The following MYO5B variants were observed in gnomAD, a reference collection of about 807,000 sequenced individuals.
The protein encoded by MYO5B is myosin VB.
In MYO5B, 143 loss-of-function variants were observed where a neutral mutation model predicts 229.3. The ratio of observed to expected loss-of-function variants is 0.62; its 90% CI spans 0.54 to 0.72. The LOEUF is 0.72. MYO5B is among the 30% of genes least tolerant of loss of function. The pLI is 0.00. For synonymous variants in MYO5B, 918 were observed against 885.2 expected, an observed-to-expected ratio of 1.04 and a Z score of -0.66; for missense variants, 2,321 against 2,331.0, an observed-to-expected ratio of 1.00 and a Z score of 0.09.
chr18:50,006,613 G>C (rs924699388), intron 4 of MYO5B, among the ~76,000 whole-genome samples: 1 of 152,140 alleles, frequency 6.6e-6, no homozygotes, highest in Non-Finnish European at 1.5e-5. Flanking sequence ...TGTGACACCT[G>C]AGAGGCAGGA....
rs151134799 is a variant in MYO5B, at chr18:50,145,967, T to G, written c.27+48800A>C. On this transcript the variant is annotated intron_variant, in intron 1 of 39. Coordinates refer to ENST00000285039, the MANE Select transcript of MYO5B (RefSeq NM_001080467.3). ...CAAAAACGGATACATTTCGAAGTAT[T>G]TGTTTTAACTTTGTTTTGTAAATTA... Among the ~76,000 whole-genome samples the G allele has an allele frequency of 6.3e-3, 959 of 152,350 alleles. 3 individuals are homozygous for G. Among genetic ancestry groups the G allele is most frequent in the Non-Finnish European group, 0.01 (713 of 68,036 alleles).
intron 5 of MYO5B, among the ~76,000 whole-genome samples, chr18:49,996,735 G>A (rs2025991604): frequency 6.6e-6 from 1 of 152,224 alleles, no homozygotes; most frequent in African/African-American, 2.4e-5. Context: ...TATGGGAAAA[G>A]CTCTAAGAAG....
chr18:49,839,107 CATG>C, intron 36 of MYO5B, 34 bp downstream of exon 36: 2 of 1,611,580 alleles, frequency 1.2e-6, no homozygotes, highest in Non-Finnish European at 1.7e-6. Flanking sequence ...TTTCAGACAC[CATG>C]ATGAGTGATG....
At chr18:50,114,156 T>C (rs772314967) in intron 1 of MYO5B, among the ~76,000 whole-genome samples, 47 of 152,156 alleles carry the variant, frequency 3.1e-4, no homozygotes, top group African/African-American at 1.1e-3. Flanking sequence ...ATTATTTTAC[T>C]GATGAGTAAA....
chr18:50,178,170 C>A (rs1002585281), intron 1 of MYO5B, among the ~76,000 whole-genome samples: 1 of 152,112 alleles, frequency 6.6e-6, no homozygotes. Context: ...GTAGTTGTGG[C>A]GCACACAATC....
At chr18:49,871,040 A>G (rs1447330624) in intron 27 of MYO5B, among the ~76,000 whole-genome samples, 1 of 152,232 alleles carries the variant, frequency 6.6e-6, no homozygotes, top group Non-Finnish European at 1.5e-5. Context: ...CAGAGAAGCA[A>G]CCTAGATGTC....
intron 36 of MYO5B, among the ~76,000 whole-genome samples, chr18:49,838,497 A>C (rs529946336): frequency 1.3e-5 from 2 of 152,296 alleles, no homozygotes; most frequent in South Asian, 2.1e-4. Context: ...CAAGTAATGT[A>C]TTTCTAGATT....
chr18:49,975,823 G>C (rs976575685), intron 9 of MYO5B, among the ~76,000 whole-genome samples: 1 of 152,140 alleles, frequency 6.6e-6, no homozygotes. Context: ...GGTCCTGCCC[G>C]ATGTATCTCC....
intron 1 of MYO5B, among the ~76,000 whole-genome samples, chr18:50,174,668 G>A (rs1232263172): frequency 6.6e-6 from 1 of 151,848 alleles, no homozygotes; most frequent in South Asian, 2.1e-4. Context: ...GCCAGCCATC[G>A]TGAGTTCCTT....
chr18:49,910,729 T>C (rs1304741743), intron 18 of MYO5B, among the ~76,000 whole-genome samples: 1 of 152,210 alleles, frequency 6.6e-6, no homozygotes, highest in African/African-American at 2.4e-5. Flanking sequence ...CTGCGACACA[T>C]TTACAAAATA....
intron 1 of MYO5B, among the ~76,000 whole-genome samples, chr18:50,141,954 T>C (rs2032424623): frequency 6.6e-6 from 1 of 152,212 alleles, no homozygotes; most frequent in Admixed American, 6.5e-5. Flanking sequence ...CACATACCAT[T>C]TCTTCCTCAA....
intron 17 of MYO5B, among the ~76,000 whole-genome samples, chr18:49,926,168 G>T (rs191269538): frequency 6.6e-6 from 1 of 152,192 alleles, no homozygotes; most frequent in Non-Finnish European, 1.5e-5. Context: ...GCTGGGACCC[G>T]CTGGGTTTTG....
chr18:49,910,877 T>G (rs1349903421), intron 18 of MYO5B, among the ~76,000 whole-genome samples: 1 of 152,190 alleles, frequency 6.6e-6, no homozygotes, highest in African/African-American at 2.4e-5. Context: ...TGATATAATT[T>G]AACCTTTATC....
chr18:49,970,543 T>TACGATGCTGGCGTGTGTAC (rs1181939813), intron 10 of MYO5B, among the ~76,000 whole-genome samples: 1 of 152,202 alleles, frequency 6.6e-6, no homozygotes, highest in African/African-American at 2.4e-5. Context: ...AATGTGTGTA[T>TACGATGCTGGCGTGTGTAC]ACGATGCTGG....
At chr18:50,144,338 T>C (rs549838846) in intron 1 of MYO5B, among the ~76,000 whole-genome samples, 61 of 152,192 alleles carry the variant, frequency 4.0e-4, no homozygotes, top group Non-Finnish European at 7.2e-4. Flanking sequence ...CTGCCTTGTA[T>C]GGATGATCCC....
rs2025251211 is a variant in MYO5B at position 49,936,432 on chromosome 18, T to G, written c.1906-83A>C. The G allele has an allele frequency of 5.2e-6, 5 of 956,970 alleles. No homozygotes were observed. In the African/African-American group the frequency reaches 6.5e-5, roughly 12 times the overall value. The allele number at this position is 956,970 out of a possible 1,614,324, so 59.3% of individuals were successfully genotyped here. A position where few individuals can be genotyped will look rare whatever the true frequency, so the allele number is the denominator to read the frequency against. On this transcript the variant is annotated intron_variant, in intron 15 of 39. Coordinates refer to ENST00000285039, the MANE Select transcript of MYO5B (RefSeq NM_001080467.3). ...AGAAAAACTCATATATGGGTGGCGG[T>G]AGTTATTGTTACTATTATATTATTA...
At chr18:49,880,297 A>G (rs2024572585) in intron 23 of MYO5B, 74 bp downstream of exon 23, 1 of 1,258,068 alleles carries the variant, frequency 7.9e-7, no homozygotes, top group African/African-American at 1.5e-5. Context: ...CATGCTTGCT[A>G]GGAGTCTTTG....
At chr18:50,125,130 G>GC (rs1230680688) in intron 1 of MYO5B, among the ~76,000 whole-genome samples, 1 of 152,152 alleles carries the variant, frequency 6.6e-6, no homozygotes, top group African/African-American at 2.4e-5. Context: ...ATTGAACAGA[G>GC]CGCAAACCTA....
At chr18:50,066,937 T>C (rs1276923561) in intron 1 of MYO5B, among the ~76,000 whole-genome samples, 1 of 152,188 alleles carries the variant, frequency 6.6e-6, no homozygotes, top group Non-Finnish European at 1.5e-5. Flanking sequence ...CAAACTCCTC[T>C]AGGCCAAATG....
Sources: allele counts gnomAD v4.1 joint callset (sites outside exome capture counted in the v4.1 genomes callset), GRCh38; gene constraint gnomAD v4.1.1; transcripts MANE v1.5; gene names NCBI Gene and HGNC (gene_info 2026-07-23, HGNC 2026-07-21).